ADGRB3: variants seen among roughly 807,000 people sequenced by gnomAD.
ADGRB3 encodes the protein brain-specific angiogenesis inhibitor 3.
A neutral mutation model predicts 193.4 loss-of-function variants in ADGRB3; 37 were observed. The ratio of observed to expected loss-of-function variants is 0.19; its 90% CI spans 0.15 to 0.25. The LOEUF (loss-of-function observed/expected upper bound fraction) is 0.25, where lower values mean the gene tolerates loss of function less well. ADGRB3 is among the 10% of genes least tolerant of loss of function. ADGRB3 has a pLI of 1.00. For missense variants in ADGRB3, 1,637 were observed against 1,852.9 expected (o/e 0.88, Z 2.14); for synonymous variants, 690 against 644.2 (o/e 1.07, Z -1.08).
chr6:68,918,879 G>A (rs1273589127), intron 3 of ADGRB3, among the ~76,000 whole-genome samples: 1 of 151,696 alleles, frequency 6.6e-6, no homozygotes. Flanking sequence ...GAGTAGAGAG[G>A]GATTATATTT....
chr6:69,178,672 T>TACAC (rs1354369904), intron 17 of ADGRB3, among the ~76,000 whole-genome samples: 3,732 of 152,282 alleles, frequency 0.025, 143 homozygotes, highest in African/African-American at 0.085. Flanking sequence ...TAGCACTTGT[T>TACAC]TGCCTCAAAA....
intron 3 of ADGRB3, among the ~76,000 whole-genome samples, chr6:68,868,554 T>A (rs892362404): frequency 6.6e-6 from 1 of 152,200 alleles, no homozygotes; most frequent in African/African-American, 2.4e-5. Context: ...ACAAAACTGG[T>A]TTAAGCAACT....
intron 20 of ADGRB3, among the ~76,000 whole-genome samples, chr6:69,244,803 G>A (rs990763615): frequency 5.3e-5 from 8 of 152,058 alleles, no homozygotes; most frequent in African/African-American, 1.7e-4. Flanking sequence ...GAATTAGTAC[G>A]TATGGAGCAC....
At chr6:69,110,198 A>C (rs1181209308) in intron 17 of ADGRB3, among the ~76,000 whole-genome samples, 1 of 152,068 alleles carries the variant, frequency 6.6e-6, no homozygotes, top group Non-Finnish European at 1.5e-5. Flanking sequence ...CACCCACCTC[A>C]GTGTCCCAAA....
At chr6:68,697,305 C>G (rs532406754) in intron 3 of ADGRB3, among the ~76,000 whole-genome samples, 8 of 151,926 alleles carry the variant, frequency 5.3e-5, no homozygotes, top group African/African-American at 1.9e-4. Flanking sequence ...TATTTTTAAA[C>G]TTAGAAATTT....
chr6:68,849,320 C>T (rs1190495282), intron 3 of ADGRB3, among the ~76,000 whole-genome samples: 1 of 151,310 alleles, frequency 6.6e-6, no homozygotes, highest in African/African-American at 2.4e-5. Flanking sequence ...ATCTAAGCTA[C>T]ACATTTAAGT....
At chr6:68,760,612 C>T (rs1001736600) in intron 3 of ADGRB3, among the ~76,000 whole-genome samples, 2 of 152,178 alleles carry the variant, frequency 1.3e-5, no homozygotes, top group East Asian at 1.9e-4. Context: ...AAACAACAAA[C>T]GTAATGTCTA....
intron 3 of ADGRB3, among the ~76,000 whole-genome samples, chr6:68,825,802 G>A (rs571944788): frequency 1.3e-5 from 2 of 152,256 alleles, no homozygotes; most frequent in South Asian, 2.1e-4. Flanking sequence ...TTTGCTTTCC[G>A]CAATGATTGT....
chr6:68,864,369 G>A (rs508920), intron 3 of ADGRB3, among the ~76,000 whole-genome samples: 68,108 of 152,046 alleles, frequency 0.45, 16,596 homozygotes, highest in East Asian at 0.6. Context: ...CTGAGGTCAC[G>A]GTGGCCAGGA....
chr6:69,367,839 T>C (rs1769609505), intron 29 of ADGRB3, among the ~76,000 whole-genome samples: 1 of 151,994 alleles, frequency 6.6e-6, no homozygotes, highest in South Asian at 2.1e-4. Flanking sequence ...ATTCATGTCC[T>C]TTGTAGGGAC....
chr6:68,948,875 G>A (rs1051851547), intron 6 of ADGRB3, among the ~76,000 whole-genome samples: 4 of 151,878 alleles, frequency 2.6e-5, no homozygotes, highest in Non-Finnish European at 5.9e-5. Flanking sequence ...GATTCAGTGG[G>A]AAAAAAAGTG....
chr6:68,888,886 A>G (rs1300678669), intron 3 of ADGRB3, among the ~76,000 whole-genome samples: 3 of 152,228 alleles, frequency 2.0e-5, no homozygotes, highest in Admixed American at 2.0e-4. Context: ...AGGGTTATTT[A>G]GAAACTTATG....
In ADGRB3 at chr6:68,919,089, C is replaced by T. The variant is rs186306319; in HGVS notation, c.758-11470C>T. On this transcript the variant is annotated intron_variant, in intron 3 of 31. Coordinates refer to ENST00000370598, the MANE Select transcript of ADGRB3 (RefSeq NM_001704.3). ...CTCTATTGTCCACAGTGAGCCTCACCTTCTCTCTCTGGAAGCCTCAGTAAA... is the reference window on the plus strand; with the variant it reads ...CTCTATTGTCCACAGTGAGCCTCACTTTCTCTCTCTGGAAGCCTCAGTAAA... Among the ~76,000 whole-genome samples the T allele has an allele frequency of 4.4e-3, 664 of 152,030 alleles. 10 individuals are homozygous for T. Among genetic ancestry groups the T allele is most frequent in the African/African-American group, 0.015 (630 of 41,438 alleles).
At chr6:68,938,440 G>GTATATATA (rs59120080) in intron 5 of ADGRB3, among the ~76,000 whole-genome samples, 352 of 144,670 alleles carry the variant, frequency 2.4e-3, no homozygotes, top group East Asian at 8.7e-3. Context: ...ATATTTTGAG[G>GTATATATA]TATATATATA....
At chr6:68,873,668 G>T (rs933435358) in intron 3 of ADGRB3, among the ~76,000 whole-genome samples, 1 of 151,972 alleles carries the variant, frequency 6.6e-6, no homozygotes, top group African/African-American at 2.4e-5. Flanking sequence ...TTAAATTATT[G>T]ACTATGAATT....
intron 17 of ADGRB3, among the ~76,000 whole-genome samples, chr6:69,102,224 C>T (rs1370041107): frequency 6.9e-6 from 1 of 144,550 alleles, no homozygotes; most frequent in Non-Finnish European, 1.5e-5. Context: ...CATATAAATA[C>T]AAAATTTGCA....
chr6:69,035,886 T>C (rs1486079841), intron 13 of ADGRB3, among the ~76,000 whole-genome samples: 1 of 152,144 alleles, frequency 6.6e-6, no homozygotes, highest in Non-Finnish European at 1.5e-5. Flanking sequence ...GTAAAGTCGA[T>C]AGAGGTGCTA....
intron 17 of ADGRB3, among the ~76,000 whole-genome samples, chr6:69,099,371 C>G (rs1772970001): frequency 6.6e-6 from 1 of 152,194 alleles, no homozygotes. Context: ...TCTGCTTTCT[C>G]TGTCTTCAGA....
intron 17 of ADGRB3, among the ~76,000 whole-genome samples, chr6:69,220,703 A>C (rs1555970): frequency 1.1e-3 from 160 of 152,254 alleles, no homozygotes; most frequent in Non-Finnish European, 2.0e-3. Context: ...TAATTACGCC[A>C]TTGAGGGTTC....
Sources: gnomAD v4.1 joint callset for allele counts (sites outside exome capture counted in the v4.1 genomes callset) on GRCh38, gnomAD v4.1.1 for gene constraint, MANE v1.5 for transcripts, NCBI Gene and HGNC (gene_info 2026-07-23, HGNC 2026-07-21) for gene names.